RNF152: variants seen among roughly 807,000 people sequenced by gnomAD.
RNF152 encodes E3 ubiquitin-protein ligase RNF152.
Under a neutral mutation model 12.7 loss-of-function variants are expected in RNF152, and 11 were observed. The ratio of observed to expected loss-of-function variants is 0.86; its 90% CI spans 0.54 to 1.43. The LOEUF (loss-of-function observed/expected upper bound fraction) is 1.43. RNF152 is among the 40% of genes most tolerant of loss of function. The pLI, the probability that RNF152 is intolerant of heterozygous loss-of-function variation, is 0.00. For missense variants in RNF152, 255 were observed against 274.8 expected (o/e 0.93, Z 0.51); for synonymous variants, 113 against 120.3 (o/e 0.94, Z 0.40).
intron 1 of RNF152, among the ~76,000 whole-genome samples, chr18:61,846,032 T>C (rs1008528391): frequency 2.0e-5 from 3 of 152,170 alleles, no homozygotes; most frequent in Non-Finnish European, 4.4e-5. Flanking sequence ...ACACAGCAGA[T>C]GCCCTTTATG....
At chr18:61,885,291 A>G (rs1045365897) in intron 1 of RNF152, among the ~76,000 whole-genome samples, 1 of 145,570 alleles carries the variant, frequency 6.9e-6, no homozygotes, top group Non-Finnish European at 1.5e-5. Flanking sequence ...CCTATTCACT[A>G]CCTTTCAAAC....
chr18:61,867,997 C>T lies in RNF152; in HGVS notation c.-136+24798G>A, dbSNP rs1433944355. Among the ~76,000 whole-genome samples, 6 of 152,110 alleles carry T rather than the reference C, an allele frequency of 3.9e-5. 1 individual carries two copies. Among genetic ancestry groups the T allele is most frequent in the Admixed American group, 3.3e-4 (5 of 15,264 alleles). ...AATATATTAAATCAATTTTGCTCAC[C>T]TTCTTAGAACTTAACGAGCCTCCTA... On this transcript the variant is annotated intron_variant, in intron 1 of 1. Coordinates refer to ENST00000312828, the MANE Select transcript of RNF152 (RefSeq NM_173557.3).
chr18:61,818,637 T>C (rs1206336385), intron 1 of RNF152, among the ~76,000 whole-genome samples: 1 of 152,084 alleles, frequency 6.6e-6, no homozygotes, highest in Non-Finnish European at 1.5e-5. Context: ...ATCCACTAAT[T>C]CAAAAAATAT....
chr18:61,854,767 T>C (rs1211270835), intron 1 of RNF152, among the ~76,000 whole-genome samples: 4 of 152,178 alleles, frequency 2.6e-5, no homozygotes, highest in Non-Finnish European at 4.4e-5. Flanking sequence ...TCATGGCCAC[T>C]TCAACAATGA....
At chr18:61,832,912 CTT>C (rs933987125) in intron 1 of RNF152, among the ~76,000 whole-genome samples, 3 of 152,174 alleles carry the variant, frequency 2.0e-5, no homozygotes, top group African/African-American at 4.8e-5. Flanking sequence ...TGCTATAGCT[CTT>C]GTTAGTTAGT....
intron 1 of RNF152, among the ~76,000 whole-genome samples, chr18:61,884,408 T>G (rs1181120752): frequency 6.6e-6 from 1 of 151,398 alleles, no homozygotes; most frequent in African/African-American, 2.4e-5. Flanking sequence ...ATCAGATACA[T>G]TTCTTTTATT....
rs546151609 is a variant in RNF152, at chr18:61,811,670, T to C, written c.*4182A>G. ...ACTGCAAAACATGCTTGCTCTTATA[T>C]TTGCACCTTACTAATACAGCAATGA... On this transcript the variant is annotated 3_prime_UTR_variant, in exon 2 of 2. Coordinates refer to ENST00000312828, the MANE Select transcript of RNF152 (RefSeq NM_173557.3). The C allele has an allele frequency of 9.8e-5, 15 of 152,316 alleles. No homozygotes were observed. In the East Asian group the frequency reaches 2.9e-3, roughly 29 times the overall value. The allele number at this position is 152,316 out of a possible 1,614,324, so 9.4% of individuals were successfully genotyped here.
intron 1 of RNF152, among the ~76,000 whole-genome samples, chr18:61,827,632 C>A (rs905434649): frequency 2.0e-5 from 3 of 152,160 alleles, no homozygotes; most frequent in African/African-American, 7.2e-5. Flanking sequence ...GAAAGCCATT[C>A]ATAACATTAT....
At chr18:61,886,404 G>A (rs1053297044) in intron 1 of RNF152, among the ~76,000 whole-genome samples, 2 of 152,214 alleles carry the variant, frequency 1.3e-5, no homozygotes, top group Non-Finnish European at 2.9e-5. Flanking sequence ...GAGCTTGCAA[G>A]AGAACTGAGA....
chr18:61,815,702 T>G lies in RNF152; in HGVS notation c.*150A>C. 1.3e-6 allele frequency: 1 copy of G among 760,256 alleles called. No homozygotes were observed. Among genetic ancestry groups the G allele is most frequent in the Non-Finnish European group, 2.2e-6 (1 of 464,092 alleles). 47.1% of individuals were successfully genotyped at this position (760,256 alleles called of 1,614,324 possible). ...TTGAGACCGCACCTTCTGCCCTTTG[T>G]GTCTGTCTTGGGGTAATCAAGAGGC... On this transcript the variant is annotated 3_prime_UTR_variant, in exon 2 of 2. Transcript: ENST00000312828.
At chr18:61,889,024 C>A (rs535801714) in intron 1 of RNF152, among the ~76,000 whole-genome samples, 18 of 152,296 alleles carry the variant, frequency 1.2e-4, no homozygotes, top group African/African-American at 4.1e-4. Context: ...TTTTCCTTCT[C>A]CCTCAGTCTG....
chr18:61,891,482 A>G (rs939445323), intron 1 of RNF152, among the ~76,000 whole-genome samples: 14 of 152,092 alleles, frequency 9.2e-5, no homozygotes, highest in African/African-American at 3.4e-4. Flanking sequence ...TACATTCCCT[A>G]TTATCCCATC....
intron 1 of RNF152, among the ~76,000 whole-genome samples, chr18:61,839,312 C>T (rs905877874): frequency 1.3e-5 from 2 of 152,160 alleles, no homozygotes; most frequent in African/African-American, 2.4e-5. Flanking sequence ...CTTTAGTCTT[C>T]CTCAATCTTC....
chr18:61,890,399 C>A (rs1912900727), intron 1 of RNF152: 1 of 152,224 alleles, frequency 6.6e-6, no homozygotes. Context: ...TAGAGCAAGA[C>A]CCTGCAGCAT....
intron 1 of RNF152, among the ~76,000 whole-genome samples, chr18:61,882,514 A>G (rs1490531442): frequency 6.6e-6 from 1 of 152,258 alleles, no homozygotes; most frequent in African/African-American, 2.4e-5. Flanking sequence ...AGGTTACAGA[A>G]CTGGCAACCA....
rs920204915 is a variant in RNF152, at chr18:61,838,832, C to T, written c.-135-22234G>A. Among the ~76,000 whole-genome samples the T allele has an allele frequency of 2.0e-5, 3 of 152,170 alleles. No individual in the cohort carries two copies. The South Asian group carries it at 6.2e-4, about 31-fold the overall frequency. ...TCTCATGACTTGACTCCTTGACTCC[C>T]TCCTTTTGTCAGCTGATGCTTCTTG... On this transcript the variant is annotated intron_variant, in intron 1 of 1. Coordinates refer to ENST00000312828, the MANE Select transcript of RNF152 (RefSeq NM_173557.3).
Position 61,814,745 on chromosome 18 carries a change from A to T in RNF152, c.*1107T>A, listed in dbSNP as rs1908981749. ...AAAAGAATCACAGGCCATTTATTAA[A>T]ATGCCCGCCTGGGTTGACCATCAGT... On this transcript the variant is annotated 3_prime_UTR_variant, in exon 2 of 2. Transcript: ENST00000312828. 1 of 152,212 alleles carries T rather than the reference A, an allele frequency of 6.6e-6. No homozygotes were observed. The highest frequency in any genetic ancestry group is 1.9e-4 in the East Asian group (1 of 5,198). 9.4% of individuals were successfully genotyped at this position (152,212 alleles called of 1,614,324 possible). A position where few individuals can be genotyped will look rare whatever the true frequency, so the allele number is the denominator to read the frequency against.
chr18:61,834,692 A>G (rs974355551), intron 1 of RNF152, among the ~76,000 whole-genome samples: 2 of 152,182 alleles, frequency 1.3e-5, no homozygotes, highest in African/African-American at 4.8e-5. Flanking sequence ...TTTAAAAAAA[A>G]TTAAGCATAT....
At chr18:61,863,550 T>C (rs1416356811) in intron 1 of RNF152, among the ~76,000 whole-genome samples, 1 of 152,028 alleles carries the variant, frequency 6.6e-6, no homozygotes, top group Non-Finnish European at 1.5e-5. Flanking sequence ...ATAGTTAATA[T>C]CTTTGGGGAA....
Sources: allele counts gnomAD v4.1 joint callset (sites outside exome capture counted in the v4.1 genomes callset), GRCh38; gene constraint gnomAD v4.1.1; transcripts MANE v1.5; gene names NCBI Gene and HGNC (gene_info 2026-07-23, HGNC 2026-07-21).